PUDP: variants seen among roughly 807,000 people sequenced by gnomAD.
The protein encoded by PUDP is pseudouridine-5'-phosphatase.
In PUDP, 8 loss-of-function variants were observed where a neutral mutation model predicts 9.4. That is an observed-to-expected ratio of 0.85 (90% CI 0.50 to 1.53). PUDP has a LOEUF of 1.53. PUDP is among the 40% of genes most tolerant of loss of function. The pLI, the probability that PUDP is intolerant of heterozygous loss-of-function variation, is 0.00. For missense variants in PUDP, 188 were observed against 189.7 expected, an observed-to-expected ratio of 0.99 and a Z score of 0.05; for synonymous variants, 99 against 80.7, an observed-to-expected ratio of 1.23 and a Z score of -1.22.
chrX:7,051,688 A>G (rs893344647), intron 3 of PUDP, among the ~76,000 whole-genome samples: 1 of 112,338 alleles, frequency 8.9e-6, no homozygotes, highest in Admixed American at 9.4e-5. Context: ...TCCAAAGGAG[A>G]CACCCCAGAG....
At chrX:7,077,712 G>A (rs1930959700) in intron 2 of PUDP, among the ~76,000 whole-genome samples, 1 of 112,842 alleles carries the variant, frequency 8.9e-6, no homozygotes, top group Non-Finnish European at 1.9e-5. Context: ...CGCACTGGGA[G>A]GCACTGCTGC....
chrX:7,077,242 GAGAACCTCTTGGCACAAGCTAGGA>G lies in PUDP; in HGVS notation c.464_487del (p.Phe155_Phe162del). 4 of 1,197,486 alleles carry G rather than the reference GAGAACCTCTTGGCACAAGCTAGGA, an allele frequency of 3.3e-6. No individual in the cohort carries two copies. The highest frequency in any genetic ancestry group is 4.5e-6 in the Non-Finnish European group (4 of 888,286). ...TACCTTCTCCATAGCAGGAGGGGGAGAGAACCTCTTGGCACAAGCTAGGAAGATGTCCGGGTCTGGCTTGCCATG... is the reference window on the plus strand; with the variant it reads ...TACCTTCTCCATAGCAGGAGGGGGAGAGATGTCCGGGTCTGGCTTGCCATG... On this transcript the variant is annotated inframe_deletion, in exon 3 of 4. Coordinates refer to ENST00000381077, the MANE Select transcript of PUDP (RefSeq NM_012080.5).
intron 3 of PUDP, among the ~76,000 whole-genome samples, chrX:6,763,444 G>C (rs1346443005): frequency 8.9e-6 from 1 of 112,114 alleles, no homozygotes; most frequent in Non-Finnish European, 1.9e-5. Flanking sequence ...AATTTTATTA[G>C]AACACAACCA....
intron 2 of PUDP, among the ~76,000 whole-genome samples, chrX:7,099,390 C>T (rs1354514904): frequency 8.9e-6 from 1 of 112,320 alleles, no homozygotes; most frequent in African/African-American, 3.2e-5. Context: ...GAACCACATG[C>T]ATTTTTTCCT....
At chrX:6,929,807 T>C (rs1928161157) in intron 3 of PUDP, among the ~76,000 whole-genome samples, 1 of 111,946 alleles carries the variant, frequency 8.9e-6, no homozygotes, top group Non-Finnish European at 1.9e-5. Flanking sequence ...TTACGTGATA[T>C]TCAAATTTAA....
chrX:6,965,919 T>C (rs746033226), intron 3 of PUDP, among the ~76,000 whole-genome samples: 20 of 111,829 alleles, frequency 1.8e-4, no homozygotes, highest in Non-Finnish European at 3.8e-4. Flanking sequence ...GACACATTTA[T>C]AGATCAGGAA....
chrX:6,883,391 G>A (rs973162124), intron 3 of PUDP, among the ~76,000 whole-genome samples: 49 of 109,105 alleles, frequency 4.5e-4, no homozygotes, highest in African/African-American at 1.6e-3. Context: ...GCATGGTGGC[G>A]CTCGCCTGTA....
chrX:7,112,441 G>C (rs1352663389), intron 1 of PUDP, among the ~76,000 whole-genome samples: 3 of 112,116 alleles, frequency 2.7e-5, no homozygotes, highest in Non-Finnish European at 5.6e-5. Flanking sequence ...TTGCACAACT[G>C]AATCTACTTA....
chrX:7,040,887 C>T (rs1013667469), intron 1 of PUDP, among the ~76,000 whole-genome samples: 6 of 110,676 alleles, frequency 5.4e-5, no homozygotes, highest in Admixed American at 2.9e-4. Flanking sequence ...CTCTTTCTTT[C>T]TGGCCTGTTA....
At chrX:6,843,256 T>C (rs1280665743) in intron 3 of PUDP, among the ~76,000 whole-genome samples, 2 of 111,951 alleles carry the variant, frequency 1.8e-5, no homozygotes, top group Non-Finnish European at 3.8e-5. Context: ...CCTGGAGCCC[T>C]TGGGAATGTA....
intron 2 of PUDP, among the ~76,000 whole-genome samples, chrX:7,091,631 G>A (rs781326073): frequency 3.6e-5 from 4 of 111,609 alleles, no homozygotes; most frequent in East Asian, 5.6e-4. Context: ...GTGAGCCACC[G>A]CGCCCGGCCT....
intron 1 of PUDP, among the ~76,000 whole-genome samples, chrX:7,115,071 G>T (rs1932158683): frequency 8.9e-6 from 1 of 112,214 alleles, no homozygotes; most frequent in African/African-American, 3.2e-5. Flanking sequence ...GTTAATAATA[G>T]TTAATTAGGC....
intron 3 of PUDP, among the ~76,000 whole-genome samples, chrX:6,738,831 G>A (rs781154123): frequency 8.9e-6 from 1 of 111,737 alleles, no homozygotes; most frequent in East Asian, 2.8e-4. Flanking sequence ...TCAAACCCAG[G>A]GAATTTGATT....
chrX:7,078,855 TG>T (rs1930996296), intron 2 of PUDP, among the ~76,000 whole-genome samples: 1 of 111,542 alleles, frequency 9.0e-6, no homozygotes, highest in Non-Finnish European at 1.9e-5. Context: ...AGCACTCCAC[TG>T]GGTGTAGAAT....
intron 3 of PUDP, among the ~76,000 whole-genome samples, chrX:6,877,832 A>G (rs1167148906): frequency 9.0e-6 from 1 of 111,724 alleles, no homozygotes; most frequent in Admixed American, 9.6e-5. Flanking sequence ...TGGACTACAG[A>G]ACCTGTCCCC....
At chrX:6,911,200 C>CT (rs35067802) in intron 3 of PUDP, among the ~76,000 whole-genome samples, 4,150 of 100,323 alleles carry the variant, frequency 0.041, 206 homozygotes, top group African/African-American at 0.12. Context: ...TTTTCTTTTT[C>CT]TTTTTTTTTT....
chrX:6,846,283 T>C (rs1926745900), intron 3 of PUDP, among the ~76,000 whole-genome samples: 2 of 109,904 alleles, frequency 1.8e-5, no homozygotes, highest in Admixed American at 1.9e-4. Context: ...CGAGCGCCTA[T>C]AGTCCCAGCT....
intron 1 of PUDP, among the ~76,000 whole-genome samples, chrX:7,144,551 C>T (rs1165827536): frequency 9.0e-6 from 1 of 111,105 alleles, no homozygotes; most frequent in African/African-American, 3.3e-5. Context: ...CCACAGAGAC[C>T]CTACCTCCAT....
At chrX:6,854,882 TAAGGTTA>T (rs1157870212) in intron 3 of PUDP, among the ~76,000 whole-genome samples, 1 of 110,517 alleles carries the variant, frequency 9.0e-6, no homozygotes, top group African/African-American at 3.3e-5. Flanking sequence ...CCTTGTTCAA[TAAGGTTA>T]AAGGTTAAAG....
Sources: allele counts gnomAD v4.1 joint callset (sites outside exome capture counted in the v4.1 genomes callset), GRCh38; gene constraint gnomAD v4.1.1; transcripts MANE v1.5; gene names NCBI Gene and HGNC (gene_info 2026-07-23, HGNC 2026-07-21).